PTPRM: variants seen among roughly 807,000 people sequenced by gnomAD.
The protein encoded by PTPRM is receptor-type tyrosine-protein phosphatase mu.
PTPRM carries 47 observed loss-of-function variants against 186.7 expected under a neutral mutation model. The ratio of observed to expected loss-of-function variants is 0.25; its 90% CI spans 0.20 to 0.32. The LOEUF is 0.32. PTPRM is among the 10% of genes least tolerant of loss of function. The pLI is 1.00. For synonymous variants in PTPRM, 668 were observed against 674.9 expected (o/e 0.99, Z 0.16); for missense variants, 1,494 against 1,865.0 (o/e 0.80, Z 3.66).
chr18:8,160,040 G>A (rs1233758814), intron 14 of PTPRM, among the ~76,000 whole-genome samples: 4 of 151,954 alleles, frequency 2.6e-5, no homozygotes, highest in African/African-American at 4.8e-5. Flanking sequence ...ATGAATAGGA[G>A]TACCTTTAAA....
rs191011417 is a variant in PTPRM, at chr18:7,616,674, C to T, written c.73+48783C>T. ...CGCCTCTTTCCTCTTTGTCTCCCATCCCTGGCTTGGTTTCCTGGAAGAATG... is the reference window on the plus strand; with the variant it reads ...CGCCTCTTTCCTCTTTGTCTCCCATTCCTGGCTTGGTTTCCTGGAAGAATG... On this transcript the variant is annotated intron_variant, in intron 1 of 32. Transcript: ENST00000580170. Among the ~76,000 whole-genome samples, 5 of 152,314 alleles carry T rather than the reference C, an allele frequency of 3.3e-5. No homozygotes were observed. The East Asian group carries it at 9.7e-4, about 30-fold the overall frequency.
chr18:8,063,565 T>C (rs2088801801), intron 7 of PTPRM, among the ~76,000 whole-genome samples: 1 of 152,150 alleles, frequency 6.6e-6, no homozygotes, highest in Non-Finnish European at 1.5e-5. Flanking sequence ...TACCCACATT[T>C]CTTTATTTTG....
chr18:7,790,905 G>T (rs1276925388), intron 2 of PTPRM, among the ~76,000 whole-genome samples: 1 of 151,192 alleles, frequency 6.6e-6, no homozygotes, highest in Non-Finnish European at 1.5e-5. Context: ...ATGAAAGTTG[G>T]TTTTAAAAAA....
chr18:7,692,463 A>G (rs1598383817), intron 1 of PTPRM, among the ~76,000 whole-genome samples: 2 of 152,354 alleles, frequency 1.3e-5, no homozygotes, highest in Admixed American at 6.5e-5. Flanking sequence ...CCTGGGTGAC[A>G]GTATGAAACC....
At chr18:7,842,947 T>TATATATATATATATATATAGAG (rs370746043) in intron 2 of PTPRM, among the ~76,000 whole-genome samples, 12 of 112,118 alleles carry the variant, frequency 1.1e-4, no homozygotes, top group African/African-American at 4.2e-4. Flanking sequence ...TATATATATA[T>TATATATATATATATATATAGAG]AGAGAGAGAG....
chr18:8,256,404 G>A (rs889183256), intron 19 of PTPRM, among the ~76,000 whole-genome samples: 2 of 152,222 alleles, frequency 1.3e-5, no homozygotes, highest in Non-Finnish European at 2.9e-5. Flanking sequence ...TCAAAAGGTT[G>A]TTGTGAGGAG....
At position 7,831,298 on chromosome 18, in the gene PTPRM, A is replaced by T. The variant is rs1323297084; in HGVS notation, c.197-56808A>T. Among the ~76,000 whole-genome samples the T allele has an allele frequency of 2.6e-5, 4 of 152,256 alleles. No individual in the cohort carries two copies. The East Asian group carries it at 7.7e-4, about 29-fold the overall frequency. ...CTTATCATGTCAGTCTTACATCAAT[A>T]AAAAATATATTTATTTTCTGAACAT... On this transcript the variant is annotated intron_variant, in intron 2 of 32. Coordinates refer to ENST00000580170, the MANE Select transcript of PTPRM (RefSeq NM_001105244.2).
chr18:7,911,257 G>A (rs372554318), intron 4 of PTPRM, among the ~76,000 whole-genome samples: 1 of 152,204 alleles, frequency 6.6e-6, no homozygotes, highest in Non-Finnish European at 1.5e-5. Context: ...GTTCTCTTGG[G>A]TATCATGCTC....
At chr18:8,204,919 G>T (rs74494920) in intron 14 of PTPRM, among the ~76,000 whole-genome samples, 1,558 of 152,232 alleles carry the variant, frequency 0.01, 33 homozygotes, top group African/African-American at 0.035. Context: ...TATCAGCACA[G>T]GCCATATTCT....
At chr18:7,898,948 A>G (rs142329677) in intron 3 of PTPRM, among the ~76,000 whole-genome samples, 1,965 of 152,296 alleles carry the variant, frequency 0.013, 20 homozygotes, top group South Asian at 0.033. Context: ...TGTTTTTGTA[A>G]TGTTTTTGTC....
intron 2 of PTPRM, among the ~76,000 whole-genome samples, chr18:7,873,282 CT>C (rs1262825809): frequency 1.3e-5 from 2 of 151,944 alleles, no homozygotes; most frequent in South Asian, 2.1e-4. Flanking sequence ...TTCTAATGCA[CT>C]TTTTTTTGTT....
chr18:8,342,688 G>T (rs2095481673), intron 22 of PTPRM, among the ~76,000 whole-genome samples: 2 of 152,058 alleles, frequency 1.3e-5, no homozygotes, highest in African/African-American at 4.8e-5. Context: ...TCGAGTTTGG[G>T]TTTTTTTAAA....
intron 13 of PTPRM, among the ~76,000 whole-genome samples, chr18:8,123,366 A>G (rs2092241703): frequency 6.6e-6 from 1 of 152,240 alleles, no homozygotes; most frequent in African/African-American, 2.4e-5. Flanking sequence ...GGTAAAGCTT[A>G]ACTCATGGTA....
chr18:8,367,016 A>T (rs2095634091), intron 23 of PTPRM: 1 of 152,214 alleles, frequency 6.6e-6, no homozygotes, highest in Non-Finnish European at 1.5e-5. Context: ...TAGTTCCAGC[A>T]TCTCTGTATG....
intron 26 of PTPRM, chr18:8,376,920 T>A: frequency 4.3e-6 from 1 of 231,266 alleles, no homozygotes; most frequent in South Asian, 7.1e-5. Flanking sequence ...TCTTTTAAAC[T>A]AGCTGGTAAC....
intron 19 of PTPRM, 111 bp from the exon 20 acceptor site, chr18:8,296,257 C>T (rs1344570328): frequency 4.5e-6 from 3 of 670,350 alleles, no homozygotes; most frequent in Non-Finnish European, 8.1e-6. Context: ...TTTCTGTCGG[C>T]ATTCTTTCCT....
chr18:7,653,133 A>G (rs1432946263), intron 1 of PTPRM, among the ~76,000 whole-genome samples: 1 of 149,188 alleles, frequency 6.7e-6, no homozygotes, highest in East Asian at 2.0e-4. Context: ...TATTATTATT[A>G]TTATTATTAT....
At chr18:8,215,301 C>G in intron 14 of PTPRM, among the ~76,000 whole-genome samples, 1 of 152,008 alleles carries the variant, frequency 6.6e-6, no homozygotes, top group East Asian at 1.9e-4. Flanking sequence ...TTCAGTAGTT[C>G]GTATTTACCA....
At chr18:8,235,476 T>TTTTTTTTTTTTTTTTTTTTG (rs1481569126) in intron 14 of PTPRM, among the ~76,000 whole-genome samples, 3 of 136,770 alleles carry the variant, frequency 2.2e-5, no homozygotes, top group African/African-American at 5.3e-5. Flanking sequence ...TTTTTTTTTT[T>TTTTTTTTTTTTTTTTTTTTG]TTTAGCCTGG....
Sources: allele counts gnomAD v4.1 joint callset (sites outside exome capture counted in the v4.1 genomes callset), GRCh38; gene constraint gnomAD v4.1.1; transcripts MANE v1.5; gene names NCBI Gene and HGNC (gene_info 2026-07-23, HGNC 2026-07-21).